PCSK7: variants seen among roughly 807,000 people sequenced by gnomAD.
PCSK7 encodes the protein proprotein convertase subtilisin/kexin type 7.
Under a neutral mutation model 73.3 loss-of-function variants are expected in PCSK7, and 38 were observed. The ratio of observed to expected loss-of-function variants is 0.52; its 90% CI spans 0.40 to 0.68. The LOEUF (loss-of-function observed/expected upper bound fraction) is 0.68. Ranked by LOEUF, PCSK7 falls within the 30% of genes least tolerant of loss-of-function variation. The probability of loss-of-function intolerance (pLI) is 0.00; values close to 1 mark genes in which losing one functional copy is unlikely to be tolerated. For synonymous variants in PCSK7, 296 were observed against 383.8 expected, an observed-to-expected ratio of 0.77 and a Z score of 2.68; for missense variants, 692 against 991.5, an observed-to-expected ratio of 0.70 and a Z score of 4.06.
chr11:117,228,953 G>GT (rs374178779), intron 3 of PCSK7, among the ~76,000 whole-genome samples: 58 of 152,130 alleles, frequency 3.8e-4, no homozygotes, highest in African/African-American at 1.4e-3. Flanking sequence ...TGGTAGTATC[G>GT]TATCACTTAT....
intron 1 of PCSK7, 140 bp downstream of exon 1, chr11:117,231,886 TG>T: frequency 6.5e-6 from 1 of 152,690 alleles, no homozygotes; most frequent in African/African-American, 2.4e-5. Context: ...TTCTGGGCCC[TG>T]GGGCCCCATC....
chr11:117,224,638 G>T, intron 7 of PCSK7, 63 bp downstream of exon 7: 1 of 1,321,476 alleles, frequency 7.6e-7, no homozygotes, highest in Non-Finnish European at 1.1e-6. Flanking sequence ...ACTTGCAGCA[G>T]TTCTCCCGGG....
rs148237776 is a variant in PCSK7, at chr11:117,205,003, AAGG to A, written c.*991_*993del. ...GTGAATCTTGGGGACCGAAGGGAAAAAGGAGCCACTCAGCAGCATGCAGTGGCT... is the reference window on the plus strand; with the variant it reads ...GTGAATCTTGGGGACCGAAGGGAAAAAGCCACTCAGCAGCATGCAGTGGCT... On this transcript the variant is annotated 3_prime_UTR_variant, in exon 17 of 17. Transcript: ENST00000320934. 0.025 allele frequency: 4,953 copies of A among 199,646 alleles called. 99 individuals carry two copies. The highest frequency in any genetic ancestry group is 0.095 in the South Asian group (512 of 5,384). The allele number at this position is 199,646 out of a possible 1,614,324, so 12.4% of individuals were successfully genotyped here.
Position 117,229,517 on chromosome 11 carries a change from C to A in PCSK7, c.328G>T (p.Val110Leu). The change falls in exon 3 of 17, where the codon GTG (valine) becomes TTG (leucine). Residue 110 changes from valine to leucine, a missense_variant. Val to Leu is a conservative substitution (Grantham distance 32). Coordinates refer to ENST00000320934, the MANE Select transcript of PCSK7 (RefSeq NM_004716.4). Reference protein sequence around the residue: ...QPAGHRPALEVEAIRQQVEAV... With the variant: ...QPAGHRPALELEAIRQQVEAV... The stretch of plus-strand genomic sequence containing the variant: ...TCCACCTGCTGCCGGATGGCCTCCA[C>A]CTCCAGGGCCGGCCTGTGCCCAGCA... The A allele has an allele frequency of 6.2e-7, 1 of 1,612,990 alleles. No homozygotes were observed. Among genetic ancestry groups the A allele is most frequent in the Non-Finnish European group, 8.5e-7 (1 of 1,180,022 alleles).
Position 117,223,343 on chromosome 11 carries a change from C to T in PCSK7, c.1055-35G>A, listed in dbSNP as rs760259645. ...GAGGAGGGAGATTAGAGCTGAGATG[C>T]AGAGGGGGTCCTGTGGCAGGGGCTT... On this transcript the variant is annotated intron_variant, in intron 8 of 16. Transcript: ENST00000320934. 8 of 1,280,260 alleles carry T rather than the reference C, an allele frequency of 6.2e-6. No homozygotes were observed. The East Asian group carries it at 1.4e-4, about 22-fold the overall frequency. The allele number at this position is 1,280,260 out of a possible 1,614,324, so 79.3% of individuals were successfully genotyped here. A position where few individuals can be genotyped will look rare whatever the true frequency, so the allele number is the denominator to read the frequency against.
At chr11:117,219,513 T>G in intron 10 of PCSK7, 78 bp downstream of exon 10, 12 of 1,354,794 alleles carry the variant, frequency 8.9e-6, no homozygotes, top group Non-Finnish European at 1.2e-5. Context: ...TTTGGGACAT[T>G]GAGAATCTAA....
intron 12 of PCSK7, chr11:117,209,883 A>G (rs1156915117): frequency 6.5e-6 from 1 of 152,812 alleles, no homozygotes; most frequent in Non-Finnish European, 1.5e-5. Flanking sequence ...GTAGCACACA[A>G]TTCCATTTAG....
chr11:117,230,050 T>C (rs1423488626), intron 2 of PCSK7, 194 bp from the exon 3 acceptor site: 4 of 527,326 alleles, frequency 7.6e-6, no homozygotes, highest in Non-Finnish European at 1.3e-5. Context: ...CCAGGTGGAG[T>C]GTGGGCCAGC....
intron 5 of PCSK7, chr11:117,226,836 T>TGGGAGCTG (rs4018845): frequency 0.21 from 47,938 of 227,762 alleles, 6,769 homozygotes; most frequent in East Asian, 0.45. Flanking sequence ...TCAGTGGGAC[T>TGGGAGCTG]GGGAGCTGGG....
At chr11:117,221,840 C>A (rs2032204834) in intron 9 of PCSK7, 1 of 152,246 alleles carries the variant, frequency 6.6e-6, no homozygotes, top group African/African-American at 2.4e-5. Context: ...TCCTCCTAAC[C>A]CAGCCTGGCC....
In PCSK7 at chr11:117,223,317, AGAG is replaced by A. The variant is rs1212355552; in HGVS notation, c.1055-12_1055-10del. The A allele has an allele frequency of 7.8e-6, 12 of 1,543,058 alleles. No individual in the cohort carries two copies. The highest frequency in any genetic ancestry group is 1.1e-5 in the Non-Finnish European group (12 of 1,115,392). On this transcript the variant is annotated splice_polypyrimidine_tract_variant and intron_variant, in intron 8 of 16. Coordinates refer to ENST00000320934, the MANE Select transcript of PCSK7 (RefSeq NM_004716.4). ...CTCCTCATCCACAGCTCCTAGGGAC[AGAG>A]GAGGGAGATTAGAGCTGAGATGCAG...
In PCSK7 at chr11:117,216,432, A is replaced by ATTTTTTTTTTTTTTTTTTTTTTTT. The variant is rs761129566; in HGVS notation, c.1534+2033_1534+2034insAAAAAAAAAAAAAAAAAAAAAAAA. On this transcript the variant is annotated intron_variant, in intron 12 of 16. Transcript: ENST00000320934. ...CCTGGGACTGAGCTGCTCAACTCTC[A>ATTTTTTTTTTTTTTTTTTTTTTTT]ATTTTTTTTTTTTTTTTTTTTTTTG... 2.6e-5 allele frequency: 3 copies of ATTTTTTTTTTTTTTTTTTTTTTTT among 115,824 alleles called. 1 individual carries two copies. The highest frequency in any genetic ancestry group is 3.3e-5 in the Non-Finnish European group (2 of 60,996). The allele number at this position is 115,824 out of a possible 1,614,324, so 7.2% of individuals were successfully genotyped here.
At chr11:117,220,684 G>C (rs890182042) in intron 9 of PCSK7, 2 of 152,346 alleles carry the variant, frequency 1.3e-5, no homozygotes, top group South Asian at 2.1e-4. Context: ...CTGGAGCTGG[G>C]ACAACACTGA....
intron 12 of PCSK7, chr11:117,216,566 G>C (rs973946366): frequency 1.3e-5 from 2 of 151,956 alleles, no homozygotes; most frequent in Non-Finnish European, 2.9e-5. Flanking sequence ...AAGTAGCTGG[G>C]ACTACAGGCA....
At chr11:117,213,968 T>TC in intron 12 of PCSK7, 1 of 133,802 alleles carries the variant, frequency 7.5e-6, no homozygotes, top group African/African-American at 3.0e-5. Flanking sequence ...TTTTTTTTTT[T>TC]TTTTTTTTAG....
Position 117,224,205 on chromosome 11 carries a change from T to C in PCSK7, c.927A>G (p.Gln309=). ...CCTGGCGACCAGCAATCACCCCATGTTGTAAGGCAGCCTGAGGAGCCAAAA... is the reference window on the plus strand; with the variant it reads ...CCTGGCGACCAGCAATCACCCCATGCTGTAAGGCAGCCTGAGGAGCCAAAA... ...GPHQLGKAAL[Q]HGVIAGRQGF... Residue 309 remains glutamine (Q), a synonymous_variant, in exon 8 of 17, where the codon CAA becomes CAG. Coordinates refer to ENST00000320934, the MANE Select transcript of PCSK7 (RefSeq NM_004716.4). 6.2e-7 allele frequency: 1 copy of C among 1,614,166 alleles called. No homozygotes were observed. The highest frequency in any genetic ancestry group is 8.5e-7 in the Non-Finnish European group (1 of 1,180,022).
intron 8 of PCSK7, 96 bp downstream of exon 8, chr11:117,223,982 A>G: frequency 7.9e-7 from 1 of 1,269,166 alleles, no homozygotes; most frequent in African/African-American, 1.5e-5. Context: ...TATTGTGCTC[A>G]CACATTTAGA....
rs1445127328 is a variant in PCSK7, at chr11:117,218,972, A to G, written c.1431+85T>C. The G allele has an allele frequency of 5.2e-6, 4 of 771,208 alleles. No homozygotes were observed. The highest frequency in any genetic ancestry group is 8.5e-6 in the Non-Finnish European group (4 of 472,330). 47.8% of individuals were successfully genotyped at this position (771,208 alleles called of 1,614,324 possible). ...CTGAATGAACATTTACTAGGCACCT[A>G]TGATATCCCAGGCAGTTTGGGGCAT... is the stretch of plus-strand genomic sequence containing the variant. On this transcript the variant is annotated intron_variant, in intron 11 of 16. Transcript: ENST00000320934. This position sits in a 1 kb window ranked among gnomAD's most constrained non-coding sequence, Gnocchi z 4.0.
In PCSK7 at chr11:117,229,766, C is replaced by T. The variant is rs1565320961; in HGVS notation, c.79G>A (p.Gly27Arg). The change falls in exon 3 of 17, where the codon GGG becomes AGG. Residue 27 changes from glycine (G) to arginine (R), a missense_variant. By Grantham distance (125) the Gly-to-Arg change is moderately radical (BLOSUM62 -2). Around this residue, in one of 6 missense-constraint regions of PCSK7, gnomAD observed 574 missense variants for 689.8 expected, o/e 0.83. Coordinates refer to ENST00000320934, the MANE Select transcript of PCSK7 (RefSeq NM_004716.4). ...ACCCAGGGAACCAGTAAGAAGAGCCCGGCTAATTCCAGCCAGAGGCAGGTG... is the reference window on the plus strand; with the variant it reads ...ACCCAGGGAACCAGTAAGAAGAGCCTGGCTAATTCCAGCCAGAGGCAGGTG... ...LPTCLWLELAGLFLLVPWVMG... is the reference protein window; with the variant it reads ...LPTCLWLELARLFLLVPWVMG... 5.0e-6 allele frequency: 8 copies of T among 1,612,948 alleles called. No homozygotes were observed. The highest frequency in any genetic ancestry group is 2.2e-5 in the East Asian group (1 of 44,842).
Sources: gnomAD v4.1 joint callset for allele counts (sites outside exome capture counted in the v4.1 genomes callset) on GRCh38, gnomAD v4.1.1 for gene constraint, gnomAD v4.1.1 regional missense constraint, Gnocchi (gnomAD v3.1) non-coding constraint, MANE v1.5 for transcripts, NCBI Gene and HGNC (gene_info 2026-07-23, HGNC 2026-07-21) for gene names.